The following CACNA1A variants were observed in gnomAD, a reference collection of about 807,000 sequenced individuals.
CACNA1A encodes the protein voltage-dependent P/Q-type calcium channel subunit alpha-1A.
In CACNA1A, 57 loss-of-function variants were observed where a neutral mutation model predicts 262.4. The ratio of observed to expected loss-of-function variants is 0.22; its 90% CI spans 0.18 to 0.27. The LOEUF (loss-of-function observed/expected upper bound fraction) is 0.27, where lower values mean the gene tolerates loss of function less well. Ranked by LOEUF, CACNA1A falls within the 10% of genes least tolerant of loss-of-function variation. The pLI is 1.00. For synonymous variants in CACNA1A, 1,431 were observed against 1,419.3 expected, an observed-to-expected ratio of 1.01 and a Z score of -0.18; for missense variants, 2,526 against 3,562.8, an observed-to-expected ratio of 0.71 and a Z score of 7.41.
chr19:13,269,567 C>A (rs1395255267), intron 24 of CACNA1A, among the ~76,000 whole-genome samples: 2 of 152,194 alleles, frequency 1.3e-5, no homozygotes, highest in Non-Finnish European at 2.9e-5. Context: ...AGGCGCTCTG[C>A]CAGTTGCGGT....
chr19:13,242,965 A>G (rs1434624999), intron 31 of CACNA1A, among the ~76,000 whole-genome samples: 2 of 152,214 alleles, frequency 1.3e-5, no homozygotes, highest in African/African-American at 2.4e-5. Flanking sequence ...AGCCAGGAGA[A>G]CAGGCTGTTG....
At chr19:13,409,509 A>C (rs559282291) in intron 3 of CACNA1A, among the ~76,000 whole-genome samples, 1 of 152,208 alleles carries the variant, frequency 6.6e-6, no homozygotes, top group South Asian at 2.1e-4. Flanking sequence ...GCCTGGTACA[A>C]AGTAAATGTC....
At chr19:13,253,967 G>A (rs886997012) in intron 29 of CACNA1A, among the ~76,000 whole-genome samples, 3 of 150,858 alleles carry the variant, frequency 2.0e-5, no homozygotes, top group Non-Finnish European at 4.4e-5. Flanking sequence ...CCGAACACCT[G>A]GCCTCAAGTG....
At chr19:13,365,647 A>G (rs1231857970) in intron 4 of CACNA1A, 178 bp from the exon 5 acceptor site, 1 of 537,662 alleles carries the variant, frequency 1.9e-6, no homozygotes, top group Non-Finnish European at 3.3e-6. Flanking sequence ...GCTGATCCTT[A>G]TCATGGGAAC....
intron 1 of CACNA1A, among the ~76,000 whole-genome samples, chr19:13,468,506 G>T (rs1183348338): frequency 1.3e-5 from 2 of 152,160 alleles, no homozygotes; most frequent in Non-Finnish European, 2.9e-5. Flanking sequence ...AAACCTGGAG[G>T]TCAGGCGCAG....
intron 22 of CACNA1A, among the ~76,000 whole-genome samples, chr19:13,281,465 C>T (rs1385257720): frequency 2.6e-5 from 4 of 151,502 alleles, no homozygotes; most frequent in African/African-American, 4.9e-5. Flanking sequence ...TCGTGGTTAC[C>T]GGTAAGGCAG....
At chr19:13,346,461 A>G (rs1262680867) in intron 6 of CACNA1A, among the ~76,000 whole-genome samples, 5 of 151,482 alleles carry the variant, frequency 3.3e-5, no homozygotes, top group African/African-American at 9.7e-5. Flanking sequence ...TCAGCCTCCC[A>G]AAGTGCTGGG....
intron 1 of CACNA1A, among the ~76,000 whole-genome samples, chr19:13,480,092 T>C (rs1050756572): frequency 1.3e-5 from 2 of 152,226 alleles, no homozygotes; most frequent in Non-Finnish European, 2.9e-5. Context: ...TACAACTATA[T>C]TAGCATATTA....
At chr19:13,216,165 C>T (rs2055003641) in intron 38 of CACNA1A, among the ~76,000 whole-genome samples, 1 of 152,044 alleles carries the variant, frequency 6.6e-6, no homozygotes, top group Non-Finnish European at 1.5e-5. Flanking sequence ...CGTCCCTCAC[C>T]CCAGTCATGG....
rs1372757070 is a variant in CACNA1A at position 13,207,263 on chromosome 19, T to A, written c.*50A>T. The A allele has an allele frequency of 6.8e-7, 1 of 1,481,464 alleles. No homozygotes were observed. Among genetic ancestry groups the A allele is most frequent in the East Asian group, 2.7e-5 (1 of 36,972 alleles). 91.8% of individuals were successfully genotyped at this position (1,481,464 alleles called of 1,614,324 possible). On this transcript the variant is annotated 3_prime_UTR_variant, in exon 47 of 47. Transcript: ENST00000360228. This position sits in a 1 kb window ranked among gnomAD's most constrained non-coding sequence, Gnocchi z 5.7. ...CCTCTGCGCGGCTCCTCGGGTGGGGTGTGTGCGTGGGGTGCGTGGGGGGCC... is the reference window on the plus strand; with the variant it reads ...CCTCTGCGCGGCTCCTCGGGTGGGGAGTGTGCGTGGGGTGCGTGGGGGGCC...
chr19:13,353,174 C>T (rs977934881), intron 6 of CACNA1A, among the ~76,000 whole-genome samples: 2 of 151,822 alleles, frequency 1.3e-5, no homozygotes, highest in Admixed American at 6.6e-5. Context: ...AGTGCAGTGG[C>T]GTGATCACGG....
chr19:13,387,046 G>A (rs537038898), intron 3 of CACNA1A, among the ~76,000 whole-genome samples: 29 of 152,012 alleles, frequency 1.9e-4, no homozygotes, highest in Middle Eastern at 3.4e-3. Flanking sequence ...CCACCTCCTG[G>A]GTTCAAATGT....
At chr19:13,255,705 T>TCCCTCCCTCCTTCTC (rs2056532573) in intron 28 of CACNA1A, among the ~76,000 whole-genome samples, 10 of 31,908 alleles carry the variant, frequency 3.1e-4, no homozygotes, top group African/African-American at 1.2e-3. Context: ...CCCTCCTTCC[T>TCCCTCCCTCCTTCTC]TCCCTCCCTC....
At chr19:13,256,229 C>G (rs1278975205) in intron 28 of CACNA1A, 1 of 152,040 alleles carries the variant, frequency 6.6e-6, no homozygotes, top group Non-Finnish European at 1.5e-5. Context: ...AACTTCCGGG[C>G]TCAAGCAATC....
intron 15 of CACNA1A, among the ~76,000 whole-genome samples, 154 bp from the exon 16 acceptor site, chr19:13,304,038 G>A (rs2057846418): frequency 6.6e-6 from 1 of 152,066 alleles, no homozygotes; most frequent in South Asian, 2.1e-4. Context: ...CTCCGTGTTG[G>A]CTTCTCCTTG....
intron 1 of CACNA1A, among the ~76,000 whole-genome samples, chr19:13,490,560 C>T (rs746901457): frequency 2.0e-5 from 3 of 151,214 alleles, no homozygotes; most frequent in African/African-American, 7.3e-5. Flanking sequence ...TGAGATTGTG[C>T]CATTGCACTC....
intron 3 of CACNA1A, among the ~76,000 whole-genome samples, chr19:13,373,659 C>G (rs79127882): frequency 6.6e-6 from 1 of 152,204 alleles, no homozygotes. Flanking sequence ...ACTACTTGCA[C>G]AAGGATTGCC....
chr19:13,340,286 C>T (rs1480072867), intron 6 of CACNA1A, among the ~76,000 whole-genome samples: 8 of 152,104 alleles, frequency 5.3e-5, no homozygotes, highest in African/African-American at 1.9e-4. Context: ...GGCCACAGGA[C>T]ATGCTACCCA....
At chr19:13,376,167 T>A (rs1489938216) in intron 3 of CACNA1A, among the ~76,000 whole-genome samples, 1 of 152,228 alleles carries the variant, frequency 6.6e-6, no homozygotes, top group African/African-American at 2.4e-5. Context: ...TGCAGTAAGT[T>A]ATCCAGAAGA....
Sources: allele counts gnomAD v4.1 joint callset (sites outside exome capture counted in the v4.1 genomes callset), GRCh38; gene constraint gnomAD v4.1.1; non-coding constraint Gnocchi (gnomAD v3.1); transcripts MANE v1.5; gene names NCBI Gene and HGNC (gene_info 2026-07-23, HGNC 2026-07-21).